The following WDPCP variants were observed in gnomAD, a reference collection of about 807,000 sequenced individuals.
WDPCP encodes the protein WD repeat-containing and planar cell polarity effector protein fritz homolog.
WDPCP carries 71 observed loss-of-function variants against 93.1 expected under a neutral mutation model. The ratio of observed to expected loss-of-function variants is 0.76; its 90% CI spans 0.63 to 0.93. The LOEUF is 0.93. Ranked by LOEUF, WDPCP falls within the 40% of genes least tolerant of loss-of-function variation. The pLI is 0.00. For missense variants in WDPCP, 844 were observed against 887.4 expected (o/e 0.95, Z 0.62); for synonymous variants, 315 against 315.0 (o/e 1.00, Z 0.00).
intron 1 of WDPCP, among the ~76,000 whole-genome samples, chr2:63,814,255 G>A (rs1281374460): frequency 1.3e-5 from 2 of 151,898 alleles, no homozygotes; most frequent in Non-Finnish European, 2.9e-5. Flanking sequence ...CTCCTTTATA[G>A]CTAGAGATAG....
At chr2:63,800,633 G>A (rs567048761) in intron 2 of WDPCP, among the ~76,000 whole-genome samples, 1 of 152,172 alleles carries the variant, frequency 6.6e-6, no homozygotes, top group African/African-American at 2.4e-5. Context: ...GTACTAATTT[G>A]GCATTTTTTA....
chr2:63,270,135 C>A (rs1323682354), intron 13 of WDPCP, among the ~76,000 whole-genome samples: 2 of 152,190 alleles, frequency 1.3e-5, no homozygotes, highest in Non-Finnish European at 2.9e-5. Flanking sequence ...TTTTAGTAAT[C>A]AATTGTTAAC....
intron 2 of WDPCP, among the ~76,000 whole-genome samples, chr2:63,764,574 T>C (rs1304215310): frequency 6.6e-6 from 1 of 152,144 alleles, no homozygotes; most frequent in East Asian, 1.9e-4. Context: ...TGGTAAGTGA[T>C]TAAAAAAGCA....
chr2:63,236,360 C>T (rs1679392735), intron 14 of WDPCP, among the ~76,000 whole-genome samples: 2 of 152,138 alleles, frequency 1.3e-5, no homozygotes, highest in Non-Finnish European at 2.9e-5. Context: ...CTTCCATGTG[C>T]ATGGATTGGA....
intron 2 of WDPCP, among the ~76,000 whole-genome samples, chr2:63,800,023 TA>T (rs1306925782): frequency 1.3e-5 from 2 of 151,908 alleles, no homozygotes; most frequent in African/African-American, 2.4e-5. Context: ...CTTCCTTGGT[TA>T]AAAAAAAGTA....
chr2:63,509,607 C>CA (rs1323682454), intron 1 of WDPCP, among the ~76,000 whole-genome samples: 2 of 151,886 alleles, frequency 1.3e-5, no homozygotes, highest in South Asian at 2.1e-4. Flanking sequence ...GATAGAGACA[C>CA]AAAAAACCCT....
At chr2:63,136,776 C>T (rs975713248) in intron 17 of WDPCP, among the ~76,000 whole-genome samples, 2 of 152,128 alleles carry the variant, frequency 1.3e-5, no homozygotes, top group Non-Finnish European at 2.9e-5. Flanking sequence ...GTGTTCTCAT[C>T]ATTTAGCTCC....
chr2:63,621,586 G>A (rs1709738597), intron 3 of WDPCP, among the ~76,000 whole-genome samples: 1 of 152,150 alleles, frequency 6.6e-6, no homozygotes, highest in African/African-American at 2.4e-5. Context: ...ATGGAACCAA[G>A]TTGGAAAACA....
intron 2 of WDPCP, among the ~76,000 whole-genome samples, chr2:63,810,830 A>AATAAACT (rs1203773660): frequency 2.6e-5 from 4 of 152,254 alleles, no homozygotes; most frequent in Non-Finnish European, 5.9e-5. Context: ...CTTTATAAAC[A>AATAAACT]ATATGGACTA....
At chr2:63,567,672 T>G (rs1336496837) in intron 1 of WDPCP, among the ~76,000 whole-genome samples, 1 of 152,164 alleles carries the variant, frequency 6.6e-6, no homozygotes, top group Non-Finnish European at 1.5e-5. Context: ...ACATCCCTTG[T>G]TTTTTTCCCC....
At chr2:63,672,850 C>G (rs1015730548) in intron 2 of WDPCP, among the ~76,000 whole-genome samples, 1 of 151,956 alleles carries the variant, frequency 6.6e-6, no homozygotes, top group Non-Finnish European at 1.5e-5. Context: ...TTCAAGCCAT[C>G]CTCCTACCTC....
rs1464460194 is a variant in WDPCP, at chr2:63,221,983, ATCCTTTCC to A, written c.1915+37316_1915+37323del. On this transcript the variant is annotated intron_variant, in intron 14 of 17. Transcript: ENST00000272321. ...TGCGGGCTGTCCCATTCTGGGTTGG[ATCCTTTCC>A]CATAGTTGGAGAGAACATTACTTAT... Among the ~76,000 whole-genome samples, 35 of 152,238 alleles carry A rather than the reference ATCCTTTCC, an allele frequency of 2.3e-4. 1 individual carries two copies. The highest frequency in any genetic ancestry group is 8.2e-4 in the African/African-American group (34 of 41,558).
At chr2:63,594,024 A>G (rs1290316421) in intron 3 of WDPCP, among the ~76,000 whole-genome samples, 1 of 152,200 alleles carries the variant, frequency 6.6e-6, no homozygotes, top group Non-Finnish European at 1.5e-5. Context: ...ACAAAGTTGA[A>G]GCACGATTAA....
At chr2:63,375,553 T>A (rs1217875646) in intron 12 of WDPCP, among the ~76,000 whole-genome samples, 3 of 151,842 alleles carry the variant, frequency 2.0e-5, no homozygotes, top group Non-Finnish European at 2.9e-5. Flanking sequence ...TACAAAAAGA[T>A]GAGAAGTGAA....
At chr2:63,391,293 T>C (rs1575309381) in intron 10 of WDPCP, among the ~76,000 whole-genome samples, 1 of 151,946 alleles carries the variant, frequency 6.6e-6, no homozygotes, top group South Asian at 2.1e-4. Flanking sequence ...ACAAAAACCA[T>C]ATGATTATCT....
At chr2:63,593,743 A>G, upstream of WDPCP, 1 of 465,338 alleles carries the variant, frequency 2.1e-6, no homozygotes, top group South Asian at 1.6e-5. Context: ...GTTTCTAAAC[A>G]TTATTGTTTT....
intron 12 of WDPCP, among the ~76,000 whole-genome samples, chr2:63,365,364 C>T (rs7355671): frequency 0.55 from 83,659 of 151,962 alleles, 23,370 homozygotes; most frequent in Admixed American, 0.63. Flanking sequence ...TAACAAAAAT[C>T]GTAATAATAT....
intron 13 of WDPCP, among the ~76,000 whole-genome samples, chr2:63,311,783 G>A (rs948696705): frequency 9.9e-5 from 15 of 152,242 alleles, no homozygotes; most frequent in African/African-American, 3.4e-4. Flanking sequence ...CTTTCGTGAT[G>A]TTTCTATTAA....
rs1457757512 is a variant in WDPCP, at chr2:63,119,900, A to G, written c.*2106T>C. Among the ~76,000 whole-genome samples the G allele has an allele frequency of 6.6e-6, 1 of 152,228 alleles. No homozygotes were observed. The highest frequency in any genetic ancestry group is 1.9e-4 in the East Asian group (1 of 5,204). On this transcript the variant is annotated 3_prime_UTR_variant, in exon 18 of 18. Transcript: ENST00000272321. Reference sequence around the variant, plus strand: ...TCATGGACATTATCAAAGATCATTCATAATATATTCTTACTATCTAAACTT... The same window carrying G: ...TCATGGACATTATCAAAGATCATTCGTAATATATTCTTACTATCTAAACTT...
Sources: allele counts gnomAD v4.1 joint callset (sites outside exome capture counted in the v4.1 genomes callset), GRCh38; gene constraint gnomAD v4.1.1; transcripts MANE v1.5; gene names NCBI Gene and HGNC (gene_info 2026-07-23, HGNC 2026-07-21).